Variants in CSMD1 observed in about 807,000 individuals in gnomAD.
CSMD1 encodes CUB and Sushi multiple domains 1.
In CSMD1, 213 loss-of-function variants were observed where a neutral mutation model predicts 417.5. That is an observed-to-expected ratio of 0.51 (90% CI 0.46 to 0.57). The LOEUF is 0.57. Ranked by LOEUF, CSMD1 falls within the 20% of genes least tolerant of loss-of-function variation. The pLI, the probability that CSMD1 is intolerant of heterozygous loss-of-function variation, is 0.00. For missense variants in CSMD1, 6,923 were observed against 4,529.7 expected, an observed-to-expected ratio of 1.53 and a Z score of -15.17; for synonymous variants, 2,862 against 1,736.8, an observed-to-expected ratio of 1.65 and a Z score of -16.11.
intron 3 of CSMD1, among the ~76,000 whole-genome samples, chr8:4,039,951 G>C (rs534663565): frequency 8.7e-4 from 132 of 152,270 alleles, no homozygotes; most frequent in African/African-American, 2.7e-3. Flanking sequence ...TTATTATAGA[G>C]AATTGTAAAA....
At chr8:4,389,540 C>T (rs1803704472) in intron 3 of CSMD1, among the ~76,000 whole-genome samples, 1 of 152,052 alleles carries the variant, frequency 6.6e-6, no homozygotes, top group Admixed American at 6.6e-5. Flanking sequence ...CAGCAGAAGA[C>T]ACTAAAATGT....
Position 4,658,494 on chromosome 8 carries a change from C to CT in CSMD1, c.86-20937dup, listed in dbSNP as rs575519533. On this transcript the variant is annotated intron_variant, in intron 1 of 69. Transcript: ENST00000635120. ...AAAAGCAAAAACAAAAACAAAAACT[C>CT]TATCAAACTCACTATTCTACATTCA... Among the ~76,000 whole-genome samples the CT allele has an allele frequency of 1.0e-3, 153 of 152,238 alleles. 1 individual carries two copies. In the South Asian group the frequency reaches 0.014, roughly 14 times the overall value.
chr8:3,945,940 T>C (rs1373324945), intron 5 of CSMD1, among the ~76,000 whole-genome samples: 1 of 152,160 alleles, frequency 6.6e-6, no homozygotes, highest in Non-Finnish European at 1.5e-5. Context: ...ATCATGATTA[T>C]TATTACTAAT....
intron 15 of CSMD1, among the ~76,000 whole-genome samples, chr8:3,404,334 CAAAAAAAAA>C (rs60637061): frequency 2.1e-5 from 3 of 140,598 alleles, no homozygotes; most frequent in Non-Finnish European, 3.1e-5. Context: ...GACGCTATCT[CAAAAAAAAA>C]AAAAAAAAAA....
At chr8:4,280,373 CACG>C (rs1330446604) in intron 3 of CSMD1, among the ~76,000 whole-genome samples, 3 of 152,134 alleles carry the variant, frequency 2.0e-5, no homozygotes, top group African/African-American at 7.2e-5. Context: ...ATTGAATAGA[CACG>C]ACATGTTTTC....
At chr8:4,198,804 G>A (rs936233937) in intron 3 of CSMD1, among the ~76,000 whole-genome samples, 5 of 152,062 alleles carry the variant, frequency 3.3e-5, no homozygotes, top group African/African-American at 7.2e-5. Context: ...TAGATTAACA[G>A]AGGTCATGGC....
chr8:4,495,303 C>G (rs866289668), intron 2 of CSMD1, among the ~76,000 whole-genome samples: 3 of 152,232 alleles, frequency 2.0e-5, no homozygotes, highest in Non-Finnish European at 2.9e-5. Flanking sequence ...CAGCTGGGCA[C>G]GGTGGCTCAC....
At chr8:4,033,358 C>A (rs528878432) in intron 3 of CSMD1, among the ~76,000 whole-genome samples, 1 of 152,024 alleles carries the variant, frequency 6.6e-6, no homozygotes, top group African/African-American at 2.4e-5. Flanking sequence ...AGGAGAATGG[C>A]GTGAACCCGG....
intron 3 of CSMD1, among the ~76,000 whole-genome samples, chr8:4,107,317 A>G (rs1359671831): frequency 1.3e-5 from 2 of 152,208 alleles, no homozygotes; most frequent in African/African-American, 4.8e-5. Flanking sequence ...TTCCTGAAAT[A>G]GAGAGGATTT....
intron 5 of CSMD1, among the ~76,000 whole-genome samples, chr8:3,976,712 C>A (rs867045556): frequency 2.0e-5 from 3 of 152,160 alleles, no homozygotes; most frequent in Non-Finnish European, 4.4e-5. Flanking sequence ...CCCTTTTAAT[C>A]TCCACAAGAA....
Position 4,637,397 on chromosome 8 carries a change from A to C in CSMD1, c.247T>G (p.Phe83Val). The C allele has an allele frequency of 1.9e-6, 3 of 1,613,966 alleles. No homozygotes were observed. Among genetic ancestry groups the C allele is most frequent in the Non-Finnish European group, 1.7e-6 (2 of 1,179,874 alleles). ...SFHTFALEEDFDILSVYDGQP... is the reference protein window; with the variant it reads ...SFHTFALEEDVDILSVYDGQP... ...CCATCGTAAACTGATAAAATATCAA[A>C]ATCTTCTTCAAGAGCAAAGGTATGG... Residue 83 changes from phenylalanine (F) to valine (V), a missense_variant, in exon 2 of 70, where the codon TTT becomes GTT. Coordinates refer to ENST00000635120, the MANE Select transcript of CSMD1 (RefSeq NM_033225.6).
intron 4 of CSMD1, among the ~76,000 whole-genome samples, chr8:4,013,373 A>G (rs570936799): frequency 8.5e-5 from 13 of 152,264 alleles, no homozygotes; most frequent in African/African-American, 3.1e-4. Context: ...TGTCAGAACC[A>G]CATTTCTGAT....
chr8:4,895,947 C>G (rs1804452879), intron 1 of CSMD1, among the ~76,000 whole-genome samples: 1 of 151,900 alleles, frequency 6.6e-6, no homozygotes, highest in Non-Finnish European at 1.5e-5. Context: ...GACATCATCC[C>G]TCCATTTTCA....
chr8:4,840,784 G>A (rs753871336), intron 1 of CSMD1, among the ~76,000 whole-genome samples: 3 of 152,080 alleles, frequency 2.0e-5, no homozygotes, highest in African/African-American at 2.4e-5. Flanking sequence ...TGTCCATGTC[G>A]TTATGCACAG....
chr8:4,270,790 T>C (rs992647625), intron 3 of CSMD1, among the ~76,000 whole-genome samples: 2 of 152,192 alleles, frequency 1.3e-5, no homozygotes, highest in Non-Finnish European at 1.5e-5. Flanking sequence ...GGGCTGTGGC[T>C]TCCTTCCTCC....
chr8:3,498,485 T>A lies in CSMD1; in HGVS notation c.1345-4759A>T, dbSNP rs145492704. On this transcript the variant is annotated intron_variant, in intron 10 of 69. Coordinates refer to ENST00000635120, the MANE Select transcript of CSMD1 (RefSeq NM_033225.6). ...ATTATAATGCTCTTTGGAGAGCATC[T>A]TTGGCATTAGATCTGTTTGGTGATC... Among the ~76,000 whole-genome samples, 26 of 152,338 alleles carry A rather than the reference T, an allele frequency of 1.7e-4. 1 individual carries two copies. Among genetic ancestry groups the A allele is most frequent in the African/African-American group, 6.3e-4 (26 of 41,586 alleles).
chr8:3,960,334 A>C (rs1812238325), intron 5 of CSMD1, among the ~76,000 whole-genome samples: 1 of 152,206 alleles, frequency 6.6e-6, no homozygotes, highest in African/African-American at 2.4e-5. Context: ...AAACTTTCCA[A>C]ATGTAATTGA....
intron 1 of CSMD1, among the ~76,000 whole-genome samples, chr8:4,888,939 G>C (rs1330923276): frequency 6.6e-6 from 1 of 151,988 alleles, no homozygotes; most frequent in Non-Finnish European, 1.5e-5. Context: ...ATGAGGAGAA[G>C]GGAAAATCTT....
intron 2 of CSMD1, among the ~76,000 whole-genome samples, chr8:4,492,719 G>C (rs1408440402): frequency 2.0e-5 from 3 of 152,148 alleles, no homozygotes. Flanking sequence ...GTAGACCCAT[G>C]GAAACTGACC....
Sources: allele counts gnomAD v4.1 joint callset (sites outside exome capture counted in the v4.1 genomes callset), GRCh38; gene constraint gnomAD v4.1.1; transcripts MANE v1.5; gene names NCBI Gene and HGNC (gene_info 2026-07-23, HGNC 2026-07-21).